The following DYNLT5 variants were observed in gnomAD, a reference collection of about 807,000 sequenced individuals.
DYNLT5 encodes dynein light chain Tctex-type 5.
Under a neutral mutation model 19.3 loss-of-function variants are expected in DYNLT5, and 25 were observed. That is an observed-to-expected ratio of 1.30 (90% confidence interval 0.95 to 1.81). DYNLT5 has a LOEUF of 1.81. Among genes scored for constraint, DYNLT5 ranks in the 40% most tolerant of loss-of-function variants. The pLI is 0.00. For missense variants in DYNLT5, 232 were observed against 217.9 expected (o/e 1.06, Z -0.41); for synonymous variants, 82 against 68.9 (o/e 1.19, Z -0.94).
chr1:66,774,619 GT>G (rs34555764), intron 3 of DYNLT5, among the ~76,000 whole-genome samples: 10,861 of 152,204 alleles, frequency 0.071, 837 homozygotes, highest in African/African-American at 0.2. Context: ...AGGTGGAGCT[GT>G]TTATTTCCCT....
intron 3 of DYNLT5, among the ~76,000 whole-genome samples, chr1:66,773,236 C>A (rs1340616784): frequency 1.3e-5 from 2 of 152,088 alleles, no homozygotes; most frequent in East Asian, 3.9e-4. Context: ...ACTAGATTGG[C>A]GGCCATCTTT....
At chr1:66,758,681 C>T (rs931448168) in intron 2 of DYNLT5, among the ~76,000 whole-genome samples, 3 of 152,114 alleles carry the variant, frequency 2.0e-5, no homozygotes, top group Admixed American at 6.6e-5. Context: ...CTACAGGTTT[C>T]TAATTTAGAT....
chr1:66,753,968 C>T (rs1485796331), intron 1 of DYNLT5, among the ~76,000 whole-genome samples: 4 of 145,116 alleles, frequency 2.8e-5, no homozygotes, highest in Non-Finnish European at 6.0e-5. Context: ...ATAAAATAGG[C>T]CAGGTAGAGT....
intron 4 of DYNLT5, 75 bp from the exon 5 acceptor site, chr1:66,777,176 T>C: frequency 7.9e-7 from 1 of 1,262,178 alleles, no homozygotes; most frequent in South Asian, 1.3e-5. Flanking sequence ...AAATCCCTTA[T>C]ATTTATAACA....
chr1:66,770,639 C>A (rs751608193), intron 3 of DYNLT5, 161 bp downstream of exon 3: 9 of 715,786 alleles, frequency 1.3e-5, no homozygotes, highest in Admixed American at 8.0e-5. Flanking sequence ...TCTTCCTCAG[C>A]AAAAAGGTAA....
intron 2 of DYNLT5, among the ~76,000 whole-genome samples, chr1:66,757,869 A>G (rs1249000319): frequency 4.6e-5 from 7 of 152,194 alleles, no homozygotes; most frequent in Non-Finnish European, 1.0e-4. Context: ...GTTTATTAGG[A>G]CACAGCCATT....
At chr1:66,766,574 C>G (rs886506105) in intron 2 of DYNLT5, among the ~76,000 whole-genome samples, 1 of 152,154 alleles carries the variant, frequency 6.6e-6, no homozygotes, top group Non-Finnish European at 1.5e-5. Flanking sequence ...TTGCCAAGCT[C>G]ATATTCTGGT....
At chr1:66,774,353 C>T (rs1395395256) in intron 3 of DYNLT5, among the ~76,000 whole-genome samples, 1 of 152,136 alleles carries the variant, frequency 6.6e-6, no homozygotes, top group Non-Finnish European at 1.5e-5. Context: ...GGTTAATCAA[C>T]CATGCCCTAG....
At chr1:66,752,660 GA>G (rs2094627872) in intron 1 of DYNLT5, 76 bp downstream of exon 1, 2 of 909,240 alleles carry the variant, frequency 2.2e-6, no homozygotes, top group Admixed American at 1.2e-4. Flanking sequence ...CCTTTGTTGA[GA>G]AATGGCCCTA....
At chr1:66,761,945 G>T (rs554387404) in intron 2 of DYNLT5, among the ~76,000 whole-genome samples, 1 of 152,022 alleles carries the variant, frequency 6.6e-6, no homozygotes, top group Admixed American at 6.6e-5. Context: ...ATCTCAAACC[G>T]TGCCACTCCT....
At chr1:66,764,517 C>T (rs1477888289) in intron 2 of DYNLT5, among the ~76,000 whole-genome samples, 2 of 152,188 alleles carry the variant, frequency 1.3e-5, no homozygotes, top group African/African-American at 4.8e-5. Flanking sequence ...TCAATTAAGT[C>T]AGCTTCTTTA....
rs1645245528 is a variant in DYNLT5, at chr1:66,777,741, A to G, written c.*287A>G. ...ATTTGTTTTGGTACTAATTATTTTA[A>G]TTATTCTTTAATTAGAGTGTTACAA... On this transcript the variant is annotated 3_prime_UTR_variant, in exon 5 of 5. Transcript: ENST00000282670. 8.8e-6 allele frequency: 2 copies of G among 228,084 alleles called. No homozygotes were observed. Among genetic ancestry groups the G allele is most frequent in the South Asian group, 1.1e-4 (1 of 9,082 alleles). 14.1% of individuals were successfully genotyped at this position (228,084 alleles called of 1,614,324 possible).
chr1:66,773,625 A>T (rs1645216587), intron 3 of DYNLT5, among the ~76,000 whole-genome samples: 1 of 151,758 alleles, frequency 6.6e-6, no homozygotes, highest in Non-Finnish European at 1.5e-5. Context: ...AAACATATTC[A>T]ATTTATTGTC....
chr1:66,752,792 T>C (rs543446842), intron 1 of DYNLT5, among the ~76,000 whole-genome samples: 6 of 152,304 alleles, frequency 3.9e-5, no homozygotes, highest in East Asian at 3.9e-4. Flanking sequence ...ATTGCATGGC[T>C]GGGGGCTGGG....
Position 66,777,537 on chromosome 1 carries a change from A to G in DYNLT5, c.*83A>G. 8.2e-7 allele frequency: 1 copy of G among 1,215,478 alleles called. No homozygotes were observed. Among genetic ancestry groups the G allele is most frequent in the Non-Finnish European group, 1.1e-6 (1 of 878,004 alleles). The allele number at this position is 1,215,478 out of a possible 1,614,324, so 75.3% of individuals were successfully genotyped here. A position where few individuals can be genotyped will look rare whatever the true frequency, so the allele number is the denominator to read the frequency against. ...GTACACAAAAGTTTTACTGCCAAAA[A>G]CTTTGAGAAAGAAACAACACTGATA... On this transcript the variant is annotated 3_prime_UTR_variant, in exon 5 of 5. Coordinates refer to ENST00000282670, the MANE Select transcript of DYNLT5 (RefSeq NM_152665.3).
intron 3 of DYNLT5, among the ~76,000 whole-genome samples, chr1:66,774,077 G>A (rs1331632652): frequency 1.3e-5 from 2 of 152,012 alleles, no homozygotes; most frequent in Non-Finnish European, 2.9e-5. Flanking sequence ...AAAGGACATT[G>A]GTAGCACTGT....
intron 2 of DYNLT5, among the ~76,000 whole-genome samples, chr1:66,756,587 A>T (rs1395461921): frequency 1.3e-5 from 2 of 152,242 alleles, no homozygotes; most frequent in African/African-American, 4.8e-5. Context: ...GAAGTTTATT[A>T]AGGACTGAAT....
intron 3 of DYNLT5, chr1:66,776,057 C>A: frequency 2.4e-6 from 1 of 418,766 alleles, no homozygotes; most frequent in Non-Finnish European, 4.2e-6. Flanking sequence ...CAGTATTGAA[C>A]ACACTTTTGA....
intron 2 of DYNLT5, among the ~76,000 whole-genome samples, chr1:66,755,137 C>G (rs1168987586): frequency 6.6e-6 from 1 of 152,160 alleles, no homozygotes; most frequent in South Asian, 2.1e-4. Flanking sequence ...ATACAATGTA[C>G]TTAACATTAT....
Sources: allele counts gnomAD v4.1 joint callset (sites outside exome capture counted in the v4.1 genomes callset), GRCh38; gene constraint gnomAD v4.1.1; transcripts MANE v1.5; gene names NCBI Gene and HGNC (gene_info 2026-07-23, HGNC 2026-07-21).